PDS5B: variants seen among roughly 807,000 people sequenced by gnomAD.
The protein encoded by PDS5B is PDS5 cohesin associated factor B.
PDS5B carries 51 observed loss-of-function variants against 184.1 expected under a neutral mutation model. The observed-to-expected ratio is 0.28, with a 90% confidence interval of 0.22 to 0.35. The LOEUF (loss-of-function observed/expected upper bound fraction) is 0.35, where lower values mean the gene tolerates loss of function less well. Ranked by LOEUF, PDS5B falls within the 10% of genes least tolerant of loss-of-function variation. The pLI is 1.00. For synonymous variants in PDS5B, 566 were observed against 569.2 expected (o/e 0.99, Z 0.08); for missense variants, 1,180 against 1,723.3 (o/e 0.68, Z 5.58).
At chr13:32,602,458 T>C (rs149449949) in intron 1 of PDS5B, among the ~76,000 whole-genome samples, 36 of 152,342 alleles carry the variant, frequency 2.4e-4, no homozygotes, top group Admixed American at 4.6e-4. Flanking sequence ...TAGTATTCCA[T>C]GGTGTATATG....
rs868060701 is a variant in PDS5B at position 32,696,433 on chromosome 13, C to T, written c.1552-421C>T. Among the ~76,000 whole-genome samples the T allele has an allele frequency of 3.3e-5, 5 of 151,986 alleles. No homozygotes were observed. The South Asian group carries it at 6.2e-4, about 19-fold the overall frequency. On this transcript the variant is annotated intron_variant, in intron 14 of 34. Coordinates refer to ENST00000315596, the MANE Select transcript of PDS5B (RefSeq NM_015032.4). ...AACACTCTTAGAAACGTCTTTTTTACGTGTCAGTCACATCTTAATTGTCTT... is the reference window on the plus strand; with the variant it reads ...AACACTCTTAGAAACGTCTTTTTTATGTGTCAGTCACATCTTAATTGTCTT...
intron 21 of PDS5B, among the ~76,000 whole-genome samples, chr13:32,739,438 A>G (rs1325490672): frequency 6.6e-6 from 1 of 152,180 alleles, no homozygotes; most frequent in Non-Finnish European, 1.5e-5. Flanking sequence ...AAAGTTTTTA[A>G]GATTATGTTT....
intron 21 of PDS5B, among the ~76,000 whole-genome samples, chr13:32,738,644 GTCCTTTGA>G (rs2140966236): frequency 6.6e-6 from 1 of 151,920 alleles, no homozygotes; most frequent in South Asian, 2.1e-4. Flanking sequence ...CCTTTATTGT[GTCCTTTGA>G]TCCTTTGAAC....
intron 1 of PDS5B, among the ~76,000 whole-genome samples, chr13:32,605,800 A>G (rs2058051298): frequency 1.3e-5 from 2 of 152,082 alleles, no homozygotes; most frequent in South Asian, 2.1e-4. Context: ...TTCTTGTTGA[A>G]TCGATCCCTT....
In PDS5B at chr13:32,688,452, G is replaced by A. The variant is rs1205016769; in HGVS notation, c.1356-4G>A. On this transcript the variant is annotated splice_polypyrimidine_tract_variant and splice_region_variant and intron_variant, in intron 12 of 34. Transcript: ENST00000315596. The stretch of plus-strand genomic sequence containing the variant: ...AATACAATGCCTTCTCTGCTTTTTT[G>A]TAGACTACTTGTTGAACGGATCTTT... 1 of 1,479,532 alleles carries A rather than the reference G, an allele frequency of 6.8e-7. No individual in the cohort carries two copies. The highest frequency in any genetic ancestry group is 9.3e-7 in the Non-Finnish European group (1 of 1,077,336). 91.7% of individuals were successfully genotyped at this position (1,479,532 alleles called of 1,614,324 possible).
intron 1 of PDS5B, among the ~76,000 whole-genome samples, chr13:32,589,856 C>T (rs2057747577): frequency 6.6e-6 from 1 of 152,084 alleles, no homozygotes; most frequent in South Asian, 2.1e-4. Flanking sequence ...GGTAAGAAGC[C>T]CTTTCCTCAC....
intron 1 of PDS5B, among the ~76,000 whole-genome samples, chr13:32,629,493 A>G (rs1314253117): frequency 6.6e-6 from 1 of 152,142 alleles, no homozygotes; most frequent in Non-Finnish European, 1.5e-5. Flanking sequence ...GGGTGGTTAA[A>G]ACTCACTTCT....
intron 1 of PDS5B, among the ~76,000 whole-genome samples, chr13:32,607,013 C>T (rs981832015): frequency 2.6e-5 from 4 of 152,270 alleles, no homozygotes; most frequent in Admixed American, 1.3e-4. Context: ...TTTGAACATC[C>T]GGAGAAGTTT....
chr13:32,666,847 A>C (rs1950811156), intron 6 of PDS5B, among the ~76,000 whole-genome samples: 1 of 152,216 alleles, frequency 6.6e-6, no homozygotes, highest in Admixed American at 6.5e-5. Flanking sequence ...TCTATGGAGA[A>C]AATATAAAAA....
At chr13:32,680,199 AGCT>A (rs1300402587) in intron 10 of PDS5B, among the ~76,000 whole-genome samples, 1 of 151,906 alleles carries the variant, frequency 6.6e-6, no homozygotes, top group Non-Finnish European at 1.5e-5. Flanking sequence ...CTAAATCAAA[AGCT>A]GTTTGGAAAG....
At chr13:32,639,894 T>C (rs747884387) in intron 1 of PDS5B, among the ~76,000 whole-genome samples, 4 of 152,252 alleles carry the variant, frequency 2.6e-5, no homozygotes, top group Non-Finnish European at 5.9e-5. Flanking sequence ...TTGATTTCTG[T>C]GACTGTGAAT....
intron 1 of PDS5B, among the ~76,000 whole-genome samples, chr13:32,623,490 C>G (rs2058329683): frequency 7.6e-6 from 1 of 131,328 alleles, no homozygotes; most frequent in South Asian, 2.3e-4. Context: ...CTATTATCCT[C>G]CTTGCTTTAA....
At chr13:32,756,665 C>T (rs1954191638) in intron 26 of PDS5B, among the ~76,000 whole-genome samples, 1 of 151,956 alleles carries the variant, frequency 6.6e-6, no homozygotes, top group South Asian at 2.1e-4. Flanking sequence ...CCTTTAGTTT[C>T]CTATTATATT....
intron 1 of PDS5B, among the ~76,000 whole-genome samples, chr13:32,646,135 G>A (rs987498344): frequency 1.3e-5 from 2 of 152,082 alleles, no homozygotes; most frequent in Non-Finnish European, 2.9e-5. Context: ...TTCCCGGGTA[G>A]CTGGGACCAC....
At position 32,770,215 on chromosome 13, in the gene PDS5B, A is replaced by G. The variant is rs1417318879; in HGVS notation, c.3719A>G (p.Glu1240Gly). 3 of 1,614,128 alleles carry G rather than the reference A, an allele frequency of 1.9e-6. No individual in the cohort carries two copies. The highest frequency in any genetic ancestry group is 1.1e-5 in the South Asian group (1 of 91,076). Residue 1240 changes from glutamate (E) to glycine (G), a missense_variant, in exon 32 of 35, where the codon GAA becomes GGA. Coordinates refer to ENST00000315596, the MANE Select transcript of PDS5B (RefSeq NM_015032.4). The stretch of plus-strand genomic sequence containing the variant: ...GATGACTTGACTAAGTTGGTACAGG[A>G]ACAGAAACCTAAAGGCAGTCAGCGA... ...GMDDLTKLVQ[E>G]QKPKGSQRSR...
intron 1 of PDS5B, among the ~76,000 whole-genome samples, chr13:32,619,695 T>G (rs771205606): frequency 5.3e-5 from 8 of 152,216 alleles, no homozygotes; most frequent in Non-Finnish European, 1.2e-4. Flanking sequence ...TCTATTATAA[T>G]CTTATGAGAC....
At chr13:32,755,739 G>A (rs1954151246) in intron 25 of PDS5B, 103 bp from the exon 26 acceptor site, 4 of 568,504 alleles carry the variant, frequency 7.0e-6, no homozygotes, top group South Asian at 2.7e-5. Context: ...ACGAAAGAAA[G>A]AGTATGTAAG....
rs540635296 is a variant in PDS5B, at chr13:32,684,932, C to T, written c.1203+909C>T. 3.9e-5 allele frequency among the ~76,000 whole-genome samples: 6 copies of T among 152,154 alleles called. No individual in the cohort carries two copies. In the East Asian group the frequency reaches 9.7e-4, roughly 25 times the overall value. On this transcript the variant is annotated intron_variant, in intron 11 of 34. Transcript: ENST00000315596. ...ATCAAGACCATTCTGGCTAACATGG[C>T]GAAATCCCGTCTCTACTAAAAATAC... is the stretch of plus-strand genomic sequence containing the variant.
chr13:32,670,340 C>T (rs939007714), intron 7 of PDS5B, among the ~76,000 whole-genome samples: 3 of 152,142 alleles, frequency 2.0e-5, no homozygotes, highest in African/African-American at 7.2e-5. Context: ...CTTCAGCCTC[C>T]TGAGTAGCTG....
Sources: allele counts gnomAD v4.1 joint callset (sites outside exome capture counted in the v4.1 genomes callset), GRCh38; gene constraint gnomAD v4.1.1; transcripts MANE v1.5; gene names NCBI Gene and HGNC (gene_info 2026-07-23, HGNC 2026-07-21).